The following PTPRH variants were observed in gnomAD, a reference collection of about 807,000 sequenced individuals.
PTPRH encodes protein tyrosine phosphatase receptor type H.
PTPRH carries 113 observed loss-of-function variants against 130.2 expected under a neutral mutation model. The ratio of observed to expected loss-of-function variants is 0.87; its 90% CI spans 0.75 to 1.01. The LOEUF (loss-of-function observed/expected upper bound fraction) is 1.01, where lower values mean the gene tolerates loss of function less well. Ranked by LOEUF, PTPRH falls within the 50% of genes least tolerant of loss-of-function variation. The pLI, the probability that PTPRH is intolerant of heterozygous loss-of-function variation, is 0.00. For missense variants in PTPRH, 1,430 were observed against 1,425.0 expected, an observed-to-expected ratio of 1.00 and a Z score of -0.06; for synonymous variants, 556 against 577.9, an observed-to-expected ratio of 0.96 and a Z score of 0.54.
chr19:55,192,123 C>T (rs968995507), intron 10 of PTPRH: 37 of 374,866 alleles, frequency 9.9e-5, no homozygotes, highest in Admixed American at 9.9e-5. Context: ...TATAGTACGG[C>T]CGGGCGCGGT....
chr19:55,207,057 T>A (rs1362661835), intron 2 of PTPRH, 102 bp from the exon 3 acceptor site: 1 of 1,565,928 alleles, frequency 6.4e-7, no homozygotes, highest in South Asian at 1.2e-5. Flanking sequence ...ACGGCGCTCA[T>A]AAACCCCTAC....
In PTPRH at chr19:55,202,868, G is replaced by A. The variant is rs190570806; in HGVS notation, c.887-546C>T. Among the ~76,000 whole-genome samples, 990 of 151,774 alleles carry A rather than the reference G, an allele frequency of 6.5e-3. 5 individuals carry two copies. The highest frequency in any genetic ancestry group is 9.7e-3 in the Non-Finnish European group (658 of 67,960). ...AGCCTGGCCAACATGGCGAAACCCCGTCTCTACTAAAAATACAAAAGTTAG... is the reference window on the plus strand; with the variant it reads ...AGCCTGGCCAACATGGCGAAACCCCATCTCTACTAAAAATACAAAAGTTAG... On this transcript the variant is annotated intron_variant, in intron 5 of 19. Transcript: ENST00000376350.
At position 55,202,277 on chromosome 19, in the gene PTPRH, C is replaced by A. The variant is rs368421898; in HGVS notation, c.932G>T (p.Ser311Ile). The change falls in exon 6 of 20, where the codon AGC (serine) becomes ATC (isoleucine). Residue 311 changes from serine (S) to isoleucine (I), a missense_variant. Ser to Ile is a moderately radical substitution (Grantham distance 142, BLOSUM62 -2). Coordinates refer to ENST00000376350, the MANE Select transcript of PTPRH (RefSeq NM_002842.5). Reference protein sequence around the residue: ...RNLTVEAQTNSSIALTWEVPD... With the variant: ...RNLTVEAQTNISIALTWEVPD... ...GACCTCCCAGGTCAGGGCGATGGAG[C>A]TGTTGGTCTGAGCCTCCACTGTCAG... 1.5e-5 allele frequency: 25 copies of A among 1,614,094 alleles called. No homozygotes were observed. The highest frequency in any genetic ancestry group is 1.9e-5 in the Non-Finnish European group (22 of 1,180,050).
At chr19:55,192,209 T>C (rs2086563210) in intron 10 of PTPRH, 1 of 343,892 alleles carries the variant, frequency 2.9e-6, no homozygotes, top group Admixed American at 4.1e-5. Flanking sequence ...GAGACCATCC[T>C]GGTTAACACG....
At chr19:55,187,938 G>T in intron 13 of PTPRH, 140 bp downstream of exon 13, 1 of 645,774 alleles carries the variant, frequency 1.5e-6, no homozygotes. Context: ...ACATGGCTGG[G>T]AATCTCTGCA....
At chr19:55,187,202 G>A (rs1432277722) in intron 14 of PTPRH, among the ~76,000 whole-genome samples, 1 of 147,380 alleles carries the variant, frequency 6.8e-6, no homozygotes, top group Non-Finnish European at 1.5e-5. Flanking sequence ...AAAATTAGCC[G>A]GGCGAGGTGG....
At position 55,181,659 on chromosome 19, in the gene PTPRH, T is replaced by C; in HGVS notation, c.*95A>G. The C allele has an allele frequency of 6.5e-7, 1 of 1,533,584 alleles. No individual in the cohort carries two copies. The allele number at this position is 1,533,584 out of a possible 1,614,324, so 95.0% of individuals were successfully genotyped here. On this transcript the variant is annotated 3_prime_UTR_variant, in exon 20 of 20. Coordinates refer to ENST00000376350, the MANE Select transcript of PTPRH (RefSeq NM_002842.5). ...CCTCCTCCCACAGCACCCAGGAGTC[T>C]GGGAGCCCAGCCCTCTGCTCTTCCA...
chr19:55,207,048 C>T (rs1410256497), intron 2 of PTPRH, 93 bp from the exon 3 acceptor site: 8 of 1,555,106 alleles, frequency 5.1e-6, no homozygotes, highest in African/African-American at 2.7e-5. Context: ...CCAGAAACAA[C>T]GGCGCTCATA....
intron 3 of PTPRH, among the ~76,000 whole-genome samples, chr19:55,206,293 T>C (rs938446398): frequency 6.6e-6 from 1 of 150,980 alleles, no homozygotes; most frequent in Non-Finnish European, 1.5e-5. Context: ...ATTTAGTTTG[T>C]TTTTCTTTTC....
At chr19:55,194,953 G>A (rs1488203944) in intron 10 of PTPRH, among the ~76,000 whole-genome samples, 1 of 152,122 alleles carries the variant, frequency 6.6e-6, no homozygotes, top group Non-Finnish European at 1.5e-5. Context: ...TTTGGGAGGA[G>A]GAGCCAGGAG....
Position 55,203,929 on chromosome 19 carries a change from C to T in PTPRH, c.739G>A (p.Gly247Arg). Residue 247 changes from glycine to arginine, a missense_variant, in exon 5 of 20, where the codon GGA (glycine) becomes AGA (arginine). Physicochemically the swap from Gly to Arg is moderately radical, Grantham distance 125 (BLOSUM62 -2). Transcript: ENST00000376350. Reference sequence around the variant, plus strand: ...CGAGTCTCTGTTCTGCCACCATCTCCAGTGCACTGAACGCAGTAGGTCGAG... The same window carrying T: ...CGAGTCTCTGTTCTGCCACCATCTCTAGTGCACTGAACGCAGTAGGTCGAG... ...QNSTYCVQCT[G>R]DGGRTETRNT... 1.2e-6 allele frequency: 2 copies of T among 1,614,176 alleles called. No homozygotes were observed. Among genetic ancestry groups the T allele is most frequent in the Non-Finnish European group, 1.7e-6 (2 of 1,180,036 alleles).
chr19:55,199,029 G>C, intron 7 of PTPRH, 117 bp from the exon 8 acceptor site: 6 of 1,052,204 alleles, frequency 5.7e-6, no homozygotes, highest in Non-Finnish European at 7.5e-6. Flanking sequence ...TCCTGGCAGG[G>C]CACAGTGGCT....
At chr19:55,203,201 C>T (rs2086925582) in intron 5 of PTPRH, among the ~76,000 whole-genome samples, 1 of 151,318 alleles carries the variant, frequency 6.6e-6, no homozygotes, top group Non-Finnish European at 1.5e-5. Context: ...GCGGTGTGCG[C>T]CTGTAGTCCC....
chr19:55,195,572 T>C (rs926685253), intron 10 of PTPRH, among the ~76,000 whole-genome samples: 6 of 152,072 alleles, frequency 3.9e-5, no homozygotes, highest in East Asian at 1.9e-4. Flanking sequence ...TAATGTATGA[T>C]TGCATTTTTT....
chr19:55,197,015 G>A, intron 9 of PTPRH, 102 bp downstream of exon 9: 1 of 1,429,342 alleles, frequency 7.0e-7, no homozygotes, highest in Non-Finnish European at 9.6e-7. Flanking sequence ...ATGAAGTCAT[G>A]GCCTGTGGCC....
chr19:55,206,409 T>C (rs1232458807), intron 3 of PTPRH, among the ~76,000 whole-genome samples: 1 of 151,530 alleles, frequency 6.6e-6, no homozygotes, highest in Non-Finnish European at 1.5e-5. Context: ...CTGCAACCTC[T>C]GCCTCCCGGG....
rs767607417 is a variant in PTPRH at position 55,196,532 on chromosome 19, G to A, written c.2247C>T (p.Thr749=). ...CGCGGCTCCGCTCACCTGCACTCTC[G>A]GTGTGGCAGACCACAGAGTGAGACA... ...KVVSHSVVCH[T]ESAGVIAGAF... The change falls in exon 10 of 20, where the codon ACC becomes ACT. Residue 749 remains threonine, a synonymous_variant. Coordinates refer to ENST00000376350, the MANE Select transcript of PTPRH (RefSeq NM_002842.5). 32 of 1,610,988 alleles carry A rather than the reference G, an allele frequency of 2.0e-5. No individual in the cohort carries two copies. The highest frequency in any genetic ancestry group is 1.7e-4 in the Middle Eastern group (1 of 5,968).
intron 3 of PTPRH, 58 bp downstream of exon 3, chr19:55,206,631 C>T: frequency 1.4e-6 from 2 of 1,452,798 alleles, no homozygotes; most frequent in Admixed American, 2.2e-5. Context: ...AGCTCTCAAC[C>T]ACCCCCTACC....
rs866942037 is a variant in PTPRH, at chr19:55,206,881, CG to C, written c.159del (p.Asp54MetfsTer3). 1 of 1,613,634 alleles carries C rather than the reference CG, an allele frequency of 6.2e-7. No individual in the cohort carries two copies. The highest frequency in any genetic ancestry group is 8.5e-7 in the Non-Finnish European group (1 of 1,179,762). Reference protein sequence around the residue: ...TSSISLSWEVPDGLDSQNSNY... With the variant: ...TSSISLSWEVXDGLDSQNSNY... ...TTGGAGTTCTGTGAGTCTAGGCCAT[CG>C]GGGACCTCCCAGCTCAGGGAGATGG... On this transcript the variant is annotated frameshift_variant, in exon 3 of 20. Coordinates refer to ENST00000376350, the MANE Select transcript of PTPRH (RefSeq NM_002842.5). LOFTEE classifies it high-confidence loss of function.
Sources: gnomAD v4.1 joint callset for allele counts (sites outside exome capture counted in the v4.1 genomes callset) on GRCh38, gnomAD v4.1.1 for gene constraint, MANE v1.5 for transcripts, NCBI Gene and HGNC (gene_info 2026-07-23, HGNC 2026-07-21) for gene names.